KCNH8: variants seen among roughly 807,000 people sequenced by gnomAD.
The protein encoded by KCNH8 is potassium voltage-gated channel subfamily H member 8.
A neutral mutation model predicts 103.6 loss-of-function variants in KCNH8; 70 were observed. The ratio of observed to expected loss-of-function variants is 0.68; its 90% confidence interval spans 0.56 to 0.82. KCNH8 has a LOEUF of 0.82. Ranked by LOEUF, KCNH8 falls within the 40% of genes least tolerant of loss-of-function variation. The probability of loss-of-function intolerance (pLI) is 0.00; values close to 1 mark genes in which losing one functional copy is unlikely to be tolerated. For missense variants in KCNH8, 1,217 were observed against 1,329.9 expected, an observed-to-expected ratio of 0.92 and a Z score of 1.32; for synonymous variants, 498 against 489.4, an observed-to-expected ratio of 1.02 and a Z score of -0.23.
At chr3:19,250,442 AAC>A (rs1437731741) in intron 1 of KCNH8, among the ~76,000 whole-genome samples, 1 of 152,204 alleles carries the variant, frequency 6.6e-6, no homozygotes, top group African/African-American at 2.4e-5. Context: ...ATAATACTAA[AAC>A]ATAAGTCCCT....
chr3:19,393,279 G>A (rs2066466283), intron 6 of KCNH8, among the ~76,000 whole-genome samples: 1 of 152,014 alleles, frequency 6.6e-6, no homozygotes, highest in Non-Finnish European at 1.5e-5. Context: ...CATTAAAACT[G>A]TAGCAAGAAG....
intron 1 of KCNH8, among the ~76,000 whole-genome samples, chr3:19,227,440 A>AG (rs1210618835): frequency 2.0e-5 from 3 of 152,244 alleles, no homozygotes; most frequent in Non-Finnish European, 4.4e-5. Context: ...ATTGAAGATC[A>AG]ACATATACAA....
At chr3:19,487,085 A>C (rs1237967793) in intron 11 of KCNH8, among the ~76,000 whole-genome samples, 1 of 152,168 alleles carries the variant, frequency 6.6e-6, no homozygotes, top group Non-Finnish European at 1.5e-5. Flanking sequence ...TTTAGCAGGA[A>C]ACTTTTGCAG....
intron 3 of KCNH8, among the ~76,000 whole-genome samples, chr3:19,302,524 A>G (rs769932690): frequency 5.9e-5 from 9 of 152,178 alleles, no homozygotes; most frequent in Non-Finnish European, 1.0e-4. Context: ...CTTTGTGAAG[A>G]AAACATTAAA....
rs267599740 is a variant in KCNH8 at position 19,450,218 on chromosome 3, C to T, written c.1488C>T (p.Val496=). The change falls in exon 9 of 16, where the codon GTC becomes GTT. Residue 496 remains valine, a synonymous_variant. Transcript: ENST00000328405. ...RTKDLKDFIR[V]HHLPQQLKQR... is the part of the protein sequence containing the mutation. ...AGGATCTGAAAGATTTCATCCGTGTCCATCACTTGCCCCAACAACTCAAGC... is the reference window on the plus strand; with the variant it reads ...AGGATCTGAAAGATTTCATCCGTGTTCATCACTTGCCCCAACAACTCAAGC... The T allele has an allele frequency of 6.2e-7, 1 of 1,613,622 alleles. No homozygotes were observed. Among genetic ancestry groups the T allele is most frequent in the Non-Finnish European group, 8.5e-7 (1 of 1,179,742 alleles).
chr3:19,356,616 C>G (rs754095532), intron 5 of KCNH8, among the ~76,000 whole-genome samples: 5 of 151,958 alleles, frequency 3.3e-5, no homozygotes, highest in Non-Finnish European at 5.9e-5. Flanking sequence ...GCTGCTGATT[C>G]AAAGCCTTAT....
intron 11 of KCNH8, among the ~76,000 whole-genome samples, chr3:19,502,262 G>A (rs903639969): frequency 3.3e-5 from 5 of 151,736 alleles, no homozygotes; most frequent in African/African-American, 9.7e-5. Context: ...ACTGCTCAAT[G>A]AAATAAAAGA....
chr3:19,443,984 C>T (rs2067323870), intron 8 of KCNH8, among the ~76,000 whole-genome samples: 1 of 151,864 alleles, frequency 6.6e-6, no homozygotes, highest in Non-Finnish European at 1.5e-5. Context: ...TCAATGCAAT[C>T]CCAATAAAAA....
chr3:19,499,458 T>C (rs1001170122), intron 11 of KCNH8, among the ~76,000 whole-genome samples: 9 of 152,044 alleles, frequency 5.9e-5, no homozygotes, highest in African/African-American at 9.7e-5. Flanking sequence ...AGATACTCCT[T>C]GAGAAGAGCA....
intron 3 of KCNH8, among the ~76,000 whole-genome samples, chr3:19,293,664 A>G (rs2064960122): frequency 6.6e-6 from 1 of 152,194 alleles, no homozygotes; most frequent in Admixed American, 6.5e-5. Flanking sequence ...CACCCTGTTC[A>G]TTGTTTTATA....
intron 5 of KCNH8, among the ~76,000 whole-genome samples, chr3:19,373,928 A>G (rs908850783): frequency 5.9e-5 from 9 of 151,860 alleles, no homozygotes; most frequent in Non-Finnish European, 1.3e-4. Flanking sequence ...TTTGAGTGAG[A>G]TTCTTAATCC....
At chr3:19,498,826 T>A (rs377057092) in intron 11 of KCNH8, among the ~76,000 whole-genome samples, 16 of 152,258 alleles carry the variant, frequency 1.1e-4, no homozygotes, top group East Asian at 3.9e-4. Context: ...GCAGGTCTGC[T>A]GGAGTACCCG....
At chr3:19,310,303 CT>C (rs1055405086) in intron 3 of KCNH8, among the ~76,000 whole-genome samples, 1 of 151,788 alleles carries the variant, frequency 6.6e-6, no homozygotes, top group Non-Finnish European at 1.5e-5. Context: ...TTCATTAGAT[CT>C]TTTTGAAGAT....
rs756241512 is a variant in KCNH8 at position 19,148,711 on chromosome 3, G to T, written c.-9G>T. On this transcript the variant is annotated 5_prime_UTR_variant, in exon 1 of 16. Transcript: ENST00000328405. ...ACTTTGATGGAGAATTTCACACCAC[G>T]CTGGAAAAATGCCGGTTATGAAAGG... 1 of 1,613,824 alleles carries T rather than the reference G, an allele frequency of 6.2e-7. No homozygotes were observed. Among genetic ancestry groups the T allele is most frequent in the East Asian group, 2.2e-5 (1 of 44,868 alleles).
At chr3:19,275,809 G>T (rs1183881839) in intron 2 of KCNH8, among the ~76,000 whole-genome samples, 1 of 151,898 alleles carries the variant, frequency 6.6e-6, no homozygotes, top group Non-Finnish European at 1.5e-5. Flanking sequence ...TCCCTTGAAA[G>T]ACACTTTCCA....
chr3:19,439,277 T>C (rs910783493), intron 8 of KCNH8, among the ~76,000 whole-genome samples: 1 of 152,226 alleles, frequency 6.6e-6, no homozygotes, highest in Non-Finnish European at 1.5e-5. Flanking sequence ...ATAATCTGCA[T>C]TTTATATTTC....
At chr3:19,378,403 TTAGA>T (rs1228522969) in intron 5 of KCNH8, among the ~76,000 whole-genome samples, 1 of 152,180 alleles carries the variant, frequency 6.6e-6, no homozygotes, top group Non-Finnish European at 1.5e-5. Flanking sequence ...TACAGGACTT[TTAGA>T]TAGAAGGAAA....
intron 2 of KCNH8, among the ~76,000 whole-genome samples, chr3:19,255,913 G>A (rs899552489): frequency 2.6e-5 from 4 of 152,096 alleles, no homozygotes; most frequent in African/African-American, 9.7e-5. Context: ...AGGAACCTGG[G>A]TATGTTTACA....
At chr3:19,494,716 C>T (rs966938959) in intron 11 of KCNH8, among the ~76,000 whole-genome samples, 12 of 151,790 alleles carry the variant, frequency 7.9e-5, no homozygotes, top group African/African-American at 2.7e-4. Context: ...GGCTATATAC[C>T]TGGTAATGGG....
Sources: gnomAD v4.1 joint callset for allele counts (sites outside exome capture counted in the v4.1 genomes callset) on GRCh38, gnomAD v4.1.1 for gene constraint, MANE v1.5 for transcripts, NCBI Gene and HGNC (gene_info 2026-07-23, HGNC 2026-07-21) for gene names.